Variants in LIN9 observed in about 807,000 individuals in gnomAD.
LIN9 encodes protein lin-9 homolog.
LIN9 carries 18 observed loss-of-function variants against 78.0 expected under a neutral mutation model. The ratio of observed to expected loss-of-function variants is 0.23; its 90% CI spans 0.16 to 0.34. The LOEUF is 0.34. Among genes scored for constraint, LIN9 ranks in the 10% least tolerant of loss-of-function variants. LIN9 has a pLI of 1.00. For missense variants in LIN9, 451 were observed against 644.1 expected (o/e 0.70, Z 3.25); for synonymous variants, 192 against 215.2 (o/e 0.89, Z 0.94).
intron 10 of LIN9, among the ~76,000 whole-genome samples, chr1:226,253,671 T>G (rs1298632468): frequency 1.3e-5 from 2 of 151,812 alleles, no homozygotes; most frequent in Non-Finnish European, 2.9e-5. Context: ...ATCCCAGCAC[T>G]TTGGGAGGCC....
chr1:226,262,827 C>T (rs1206801380), intron 10 of LIN9, among the ~76,000 whole-genome samples: 1 of 152,196 alleles, frequency 6.6e-6, no homozygotes, highest in Non-Finnish European at 1.5e-5. Flanking sequence ...ACACAAAAAC[C>T]TGCACACAGA....
intron 3 of LIN9, 141 bp downstream of exon 3, chr1:226,297,578 G>A (rs1009346495): frequency 2.2e-6 from 1 of 453,438 alleles, no homozygotes; most frequent in Non-Finnish European, 3.9e-6. Context: ...ACCTAAATAA[G>A]ATCAAACAGT....
At chr1:226,266,168 T>G in intron 9 of LIN9, 45 bp downstream of exon 9, 4 of 1,357,786 alleles carry the variant, frequency 2.9e-6, no homozygotes, top group Non-Finnish European at 4.0e-6. Flanking sequence ...TAGTTCACCT[T>G]CATAAAAATC....
intron 12 of LIN9, among the ~76,000 whole-genome samples, chr1:226,234,527 TC>T (rs1657558800): frequency 6.6e-6 from 1 of 152,152 alleles, no homozygotes; most frequent in Non-Finnish European, 1.5e-5. Flanking sequence ...TTTTGACACG[TC>T]CCCGTAATTT....
At chr1:226,250,944 AG>A (rs1658793707) in intron 10 of LIN9, 25 bp from the exon 11 acceptor site, 1 of 1,162,852 alleles carries the variant, frequency 8.6e-7, no homozygotes, top group Non-Finnish European at 1.3e-6. Flanking sequence ...GAAATATTTT[AG>A]AATAAACAGA....
At chr1:226,304,366 G>C (rs1027525792) in intron 1 of LIN9, among the ~76,000 whole-genome samples, 1 of 151,672 alleles carries the variant, frequency 6.6e-6, no homozygotes, top group Non-Finnish European at 1.5e-5. Flanking sequence ...ATCTGATGTG[G>C]AAAAAAAAAT....
Position 226,287,788 on chromosome 1 carries a change from C to T in LIN9, c.274G>A (p.Ala92Thr), listed in dbSNP as rs1189975271. 2 of 1,547,892 alleles carry T rather than the reference C, an allele frequency of 1.3e-6. No homozygotes were observed. The highest frequency in any genetic ancestry group is 1.7e-6 in the Non-Finnish European group (2 of 1,157,904). Residue 92 changes from alanine (A) to threonine (T), a missense_variant, in exon 5 of 15, where the codon GCA becomes ACA. Physicochemically the swap from Ala to Thr is moderately conservative, Grantham distance 58. Transcript: ENST00000681046. Reference protein sequence around the residue: ...RVAMVPQKFTATMSTPDKKAS... With the variant: ...RVAMVPQKFTTTMSTPDKKAS... ...TTCTTATCTGGTGTTGACATTGTTG[C>T]TGTAAATTTCTATACAATAAAAAAA...
intron 6 of LIN9, among the ~76,000 whole-genome samples, chr1:226,278,677 A>C (rs1660823471): frequency 6.6e-6 from 1 of 151,254 alleles, no homozygotes; most frequent in African/African-American, 2.4e-5. Context: ...TGCAAAAATT[A>C]GACAGGCGTG....
chr1:226,291,942 A>G (rs1247199292), intron 4 of LIN9, among the ~76,000 whole-genome samples: 1 of 152,134 alleles, frequency 6.6e-6, no homozygotes, highest in African/African-American at 2.4e-5. Flanking sequence ...ATGTAAAAAG[A>G]AGAAAAAAGA....
intron 7 of LIN9, among the ~76,000 whole-genome samples, chr1:226,270,084 G>A (rs1459548842): frequency 3.9e-5 from 6 of 152,034 alleles, no homozygotes; most frequent in Admixed American, 3.3e-4. Flanking sequence ...CACCACACCC[G>A]GCTAATTTTT....
At position 226,250,847 on chromosome 1, in the gene LIN9, C is replaced by G. The variant is rs1370105421; in HGVS notation, c.1111G>C (p.Glu371Gln). 6.7e-7 allele frequency: 1 copy of G among 1,500,354 alleles called. No homozygotes were observed. The highest frequency in any genetic ancestry group is 9.1e-7 in the Non-Finnish European group (1 of 1,093,698). 92.9% of individuals were successfully genotyped at this position (1,500,354 alleles called of 1,614,324 possible). ...KKLREMNTEAEKLKSYSMPIS... is the reference protein window; with the variant it reads ...KKLREMNTEAQKLKSYSMPIS... ...AAAAGAGAAATTCTTACCAATTTTTCTGCTTCTGTGTTCATTTCCCTTAAT... is the reference window on the plus strand; with the variant it reads ...AAAAGAGAAATTCTTACCAATTTTTGTGCTTCTGTGTTCATTTCCCTTAAT... Residue 371 changes from glutamate to glutamine, a missense_variant, in exon 11 of 15, where the codon GAA (glutamate) becomes CAA (glutamine). Transcript: ENST00000681046.
chr1:226,247,336 T>C (rs746949352), intron 11 of LIN9, among the ~76,000 whole-genome samples: 5 of 152,134 alleles, frequency 3.3e-5, no homozygotes, highest in Non-Finnish European at 5.9e-5. Flanking sequence ...CTTAGGGTTA[T>C]TGTGTCTCCT....
At chr1:226,280,664 A>G (rs1236919829) in intron 6 of LIN9, among the ~76,000 whole-genome samples, 1 of 152,158 alleles carries the variant, frequency 6.6e-6, no homozygotes, top group Non-Finnish European at 1.5e-5. Context: ...AATCCCAGCT[A>G]CTTGAGAGGC....
intron 2 of LIN9, among the ~76,000 whole-genome samples, chr1:226,298,576 T>C (rs1662304535): frequency 6.6e-6 from 1 of 152,196 alleles, no homozygotes; most frequent in Non-Finnish European, 1.5e-5. Flanking sequence ...AAAAAGGAAA[T>C]TAGGCCAGGT....
chr1:226,235,965 C>T (rs1177974940), intron 12 of LIN9, among the ~76,000 whole-genome samples: 1 of 152,048 alleles, frequency 6.6e-6, no homozygotes, highest in East Asian at 1.9e-4. Flanking sequence ...TGTGTATTTT[C>T]GTATTTGCTT....
rs1466333821 is a variant in LIN9, at chr1:226,239,016, C to T, written c.1200G>A (p.Lys400=). 1.9e-6 allele frequency: 3 copies of T among 1,613,684 alleles called. No individual in the cohort carries two copies. The highest frequency in any genetic ancestry group is 1.1e-5 in the South Asian group (1 of 91,048). ...TIVLELEQLN[K]DLNKVLHKVQ... Reference sequence around the variant, plus strand: ...CTTTATGCAAAACTTTGTTTAGGTCCTTGTTCAGCTGTTCAAGCTCCAGAA... The same window carrying T: ...CTTTATGCAAAACTTTGTTTAGGTCTTTGTTCAGCTGTTCAAGCTCCAGAA... The change falls in exon 12 of 15, where the codon AAG becomes AAA. Residue 400 remains lysine (K), a synonymous_variant. Coordinates refer to ENST00000681046, the MANE Select transcript of LIN9 (RefSeq NM_001366245.2).
chr1:226,235,190 T>C (rs1206912817), intron 12 of LIN9, among the ~76,000 whole-genome samples: 1 of 151,560 alleles, frequency 6.6e-6, no homozygotes, highest in African/African-American at 2.4e-5. Context: ...GGCATGGTGG[T>C]ACATGCCTGT....
intron 6 of LIN9, among the ~76,000 whole-genome samples, chr1:226,281,516 T>C (rs1240989830): frequency 2.0e-5 from 3 of 151,888 alleles, no homozygotes; most frequent in Non-Finnish European, 4.4e-5. Flanking sequence ...CAAAGAAAAA[T>C]GTTTGAGGTA....
intron 10 of LIN9, among the ~76,000 whole-genome samples, chr1:226,255,916 G>A (rs1298507468): frequency 1.3e-5 from 2 of 151,574 alleles, no homozygotes; most frequent in African/African-American, 2.4e-5. Flanking sequence ...GGAGAGGAAA[G>A]AGAGAAAAAA....
Sources: allele counts gnomAD v4.1 joint callset (sites outside exome capture counted in the v4.1 genomes callset), GRCh38; gene constraint gnomAD v4.1.1; transcripts MANE v1.5; gene names NCBI Gene and HGNC (gene_info 2026-07-23, HGNC 2026-07-21).